The following SLC26A4 variants were observed in gnomAD, a reference collection of about 807,000 sequenced individuals.
The protein encoded by SLC26A4 is pendrin.
Under a neutral mutation model 90.4 loss-of-function variants are expected in SLC26A4, and 93 were observed. That is an observed-to-expected ratio of 1.03 (90% CI 0.87 to 1.22). The LOEUF is 1.22. Among genes scored for constraint, SLC26A4 ranks in the 50% most tolerant of loss-of-function variants. The pLI, the probability that SLC26A4 is intolerant of heterozygous loss-of-function variation, is 0.00. For synonymous variants in SLC26A4, 393 were observed against 354.6 expected, an observed-to-expected ratio of 1.11 and a Z score of -1.22; for missense variants, 1,127 against 946.2, an observed-to-expected ratio of 1.19 and a Z score of -2.51.
Position 107,695,999 on chromosome 7 carries a change from C to T in SLC26A4, c.1504C>T (p.Leu502Phe), listed in dbSNP as rs1562836372. 6 of 1,612,014 alleles carry T rather than the reference C, an allele frequency of 3.7e-6. No individual in the cohort carries two copies. Among genetic ancestry groups the T allele is most frequent in the South Asian group, 1.1e-5 (1 of 91,036 alleles). Reference sequence around the variant, plus strand: ...GCTGGATCTCGGTTTACTAGCTGGCCTTATATTTGGACTGTTGACTGTGGT... The same window carrying T: ...GCTGGATCTCGGTTTACTAGCTGGCTTTATATTTGGACTGTTGACTGTGGT... ...LGLDLGLLAG[L>F]IFGLLTVVLR... The change falls in exon 13 of 21, where the codon CTT becomes TTT. Residue 502 changes from leucine to phenylalanine, a missense_variant. Transcript: ENST00000644269.
At chr7:107,679,144 T>C (rs1399477766) in intron 6 of SLC26A4, among the ~76,000 whole-genome samples, 3 of 152,200 alleles carry the variant, frequency 2.0e-5, no homozygotes, top group African/African-American at 7.2e-5. Flanking sequence ...AATTAGTCAA[T>C]ACCCTTGATG....
intron 10 of SLC26A4, chr7:107,693,787 C>T: frequency 2.3e-6 from 2 of 868,192 alleles, no homozygotes; most frequent in Non-Finnish European, 2.8e-6. Context: ...AAGCTCTGAG[C>T]CTGCCTCCGT....
chr7:107,707,897 T>C (rs1437111260), intron 18 of SLC26A4, among the ~76,000 whole-genome samples: 2 of 152,138 alleles, frequency 1.3e-5, no homozygotes, highest in African/African-American at 4.8e-5. Context: ...GTTTGTCAAA[T>C]ACCAAAGGTT....
chr7:107,690,268 C>CA, intron 10 of SLC26A4, 31 bp downstream of exon 10: 1 of 1,279,278 alleles, frequency 7.8e-7, no homozygotes, highest in Non-Finnish European at 1.1e-6. Context: ...ATATCCATCT[C>CA]AGAGAACAAG....
At position 107,712,894 on chromosome 7, in the gene SLC26A4, A is replaced by G. The variant is rs200882604; in HGVS notation, c.2319+272A>G. Reference sequence around the variant, plus strand: ...CCTGATTTGATACCTACACCTCTGCATACTGCTCTTCTAGAGATGTAAGGC... The same window carrying G: ...CCTGATTTGATACCTACACCTCTGCGTACTGCTCTTCTAGAGATGTAAGGC... On this transcript the variant is annotated intron_variant, in intron 20 of 20. Coordinates refer to ENST00000644269, the MANE Select transcript of SLC26A4 (RefSeq NM_000441.2). 1.2e-4 allele frequency among the ~76,000 whole-genome samples: 18 copies of G among 152,352 alleles called. 1 individual carries two copies. The East Asian group carries it at 2.3e-3, about 20-fold the overall frequency.
In SLC26A4 at chr7:107,709,174, T is replaced by C. The variant is rs534500928; in HGVS notation, c.2090-880T>C. On this transcript the variant is annotated intron_variant, in intron 18 of 20. Transcript: ENST00000644269. ...CCACAGGAAGAGTACCAGAAGGTTATGCCTCCTTGAGGCAAGAGGACCTGC... is the reference window on the plus strand; with the variant it reads ...CCACAGGAAGAGTACCAGAAGGTTACGCCTCCTTGAGGCAAGAGGACCTGC... Among the ~76,000 whole-genome samples, 6 of 152,334 alleles carry C rather than the reference T, an allele frequency of 3.9e-5. No individual in the cohort carries two copies. The South Asian group carries it at 1.0e-3, about 26-fold the overall frequency.
chr7:107,673,453 A>G (rs1347991954), intron 4 of SLC26A4, among the ~76,000 whole-genome samples: 1 of 152,094 alleles, frequency 6.6e-6, no homozygotes, highest in Non-Finnish European at 1.5e-5. Context: ...AGATCAGGAC[A>G]TTGGACACTC....
intron 20 of SLC26A4, among the ~76,000 whole-genome samples, chr7:107,714,204 G>A (rs1792276211): frequency 6.6e-6 from 1 of 152,124 alleles, no homozygotes; most frequent in Admixed American, 6.6e-5. Context: ...GGGATTACAG[G>A]CATGAGCCAC....
chr7:107,682,986 A>G (rs1429276810), intron 6 of SLC26A4, among the ~76,000 whole-genome samples: 1 of 152,100 alleles, frequency 6.6e-6, no homozygotes, highest in Non-Finnish European at 1.5e-5. Context: ...AACTTGGTGT[A>G]TATATATATT....
intron 8 of SLC26A4, among the ~76,000 whole-genome samples, chr7:107,684,314 G>C (rs974957080): frequency 1.3e-5 from 2 of 152,178 alleles, no homozygotes; most frequent in Non-Finnish European, 2.9e-5. Context: ...AGAAGTACTA[G>C]TTTTCCCTAA....
chr7:107,670,890 AT>A (rs1584302637), intron 3 of SLC26A4, among the ~76,000 whole-genome samples: 1 of 152,124 alleles, frequency 6.6e-6, no homozygotes, highest in East Asian at 1.9e-4. Flanking sequence ...TAGAATGTTG[AT>A]TTCTCTATAG....
chr7:107,663,545 T>C (rs1790628770), intron 3 of SLC26A4, 110 bp downstream of exon 3: 6 of 1,201,974 alleles, frequency 5.0e-6, no homozygotes, highest in Non-Finnish European at 4.9e-6. Flanking sequence ...GGCCTGTATC[T>C]TTCCTGTAGA....
At chr7:107,672,585 A>AT (rs1790903481) in intron 4 of SLC26A4, among the ~76,000 whole-genome samples, 1 of 151,992 alleles carries the variant, frequency 6.6e-6, no homozygotes, top group African/African-American at 2.4e-5. Context: ...ATTTGACTCC[A>AT]TTTTTGGAGT....
chr7:107,698,145 G>A, intron 14 of SLC26A4, 34 bp downstream of exon 14: 2 of 1,389,718 alleles, frequency 1.4e-6, no homozygotes, highest in Middle Eastern at 1.8e-4. Context: ...GCTGGACTTG[G>A]GTTTACTAGC....
At chr7:107,704,475 C>CT in intron 18 of SLC26A4, 90 bp downstream of exon 18, 1 of 645,494 alleles carries the variant, frequency 1.5e-6, no homozygotes, top group South Asian at 1.7e-5. Context: ...TGTCTGAAGG[C>CT]CTTTTTTTTT....
At chr7:107,682,991 T>C (rs1791287559) in intron 6 of SLC26A4, among the ~76,000 whole-genome samples, 1 of 152,118 alleles carries the variant, frequency 6.6e-6, no homozygotes, top group Admixed American at 6.6e-5. Flanking sequence ...GGTGTATATA[T>C]ATATTGCAGC....
intron 9 of SLC26A4, 103 bp downstream of exon 9, chr7:107,689,303 T>C (rs1791505936): frequency 1.6e-6 from 2 of 1,219,412 alleles, no homozygotes; most frequent in Non-Finnish European, 2.4e-6. Flanking sequence ...GTTGGATTCT[T>C]TCACCAGACC....
In SLC26A4 at chr7:107,661,832, G is replaced by C; in HGVS notation, c.164+27G>C. ...TAGCGGCCGCGCGGGCCTGCGTAGA[G>C]AGAAGCGGAGCGGGGCGTCCACGCC... On this transcript the variant is annotated intron_variant, in intron 2 of 20. Transcript: ENST00000644269. This position sits in a 1 kb window ranked among gnomAD's most constrained non-coding sequence, Gnocchi z 5.1. 1 of 1,527,588 alleles carries C rather than the reference G, an allele frequency of 6.5e-7. No individual in the cohort carries two copies. The highest frequency in any genetic ancestry group is 8.8e-7 in the Non-Finnish European group (1 of 1,141,096). The allele number at this position is 1,527,588 out of a possible 1,614,324, so 94.6% of individuals were successfully genotyped here. A position where few individuals can be genotyped will look rare whatever the true frequency, so the allele number is the denominator to read the frequency against.
In SLC26A4 at chr7:107,665,765, C is replaced by G. The variant is rs1035922239; in HGVS notation, c.304+2330C>G. Among the ~76,000 whole-genome samples, 8 of 152,116 alleles carry G rather than the reference C, an allele frequency of 5.3e-5. No individual in the cohort carries two copies. In the East Asian group the frequency reaches 1.5e-3, roughly 29 times the overall value. On this transcript the variant is annotated intron_variant, in intron 3 of 20. Transcript: ENST00000644269. ...CTCATAACAATCCTGCTAGGTAGGT[C>G]TATTATTATTTCATTTTCAGTAGGT...
Sources: allele counts gnomAD v4.1 joint callset (sites outside exome capture counted in the v4.1 genomes callset), GRCh38; gene constraint gnomAD v4.1.1; non-coding constraint Gnocchi (gnomAD v3.1); transcripts MANE v1.5; gene names NCBI Gene and HGNC (gene_info 2026-07-23, HGNC 2026-07-21).